ACTR3B: variants seen among roughly 807,000 people sequenced by gnomAD.
ACTR3B encodes the protein actin related protein 3B, also known as actin-related protein 3B.
Under a neutral mutation model 59.0 loss-of-function variants are expected in ACTR3B, and 8 were observed. The ratio of observed to expected loss-of-function variants is 0.14; its 90% CI spans 0.08 to 0.24. The LOEUF (loss-of-function observed/expected upper bound fraction) is 0.24, where lower values mean the gene tolerates loss of function less well. Among genes scored for constraint, ACTR3B ranks in the 10% least tolerant of loss-of-function variants. ACTR3B has a pLI of 1.00. For synonymous variants in ACTR3B, 148 were observed against 197.9 expected (o/e 0.75, Z 2.12); for missense variants, 245 against 552.3 (o/e 0.44, Z 5.58).
At chr7:152,796,863 T>G (rs1217380138) in intron 2 of ACTR3B, among the ~76,000 whole-genome samples, 86 of 5,132 alleles carry the variant, frequency 0.017, 3 homozygotes, top group African/African-American at 0.03. Context: ...TTTTTGTGTT[T>G]TTTTTTTTTT....
At chr7:152,800,834 T>G (rs1334504420) in intron 3 of ACTR3B, among the ~76,000 whole-genome samples, 179 bp downstream of exon 3, 1 of 152,250 alleles carries the variant, frequency 6.6e-6, no homozygotes, top group Admixed American at 6.5e-5. Flanking sequence ...ATTGGAGAAT[T>G]AAGGGAATTA....
At chr7:152,844,144 G>A (rs1195973947) in intron 9 of ACTR3B, among the ~76,000 whole-genome samples, 12 of 152,072 alleles carry the variant, frequency 7.9e-5, no homozygotes, top group East Asian at 5.8e-4. Context: ...TGCAACCTCC[G>A]CCTCCCAGGT....
chr7:152,795,689 G>A (rs1395232327), intron 2 of ACTR3B, among the ~76,000 whole-genome samples: 2 of 152,162 alleles, frequency 1.3e-5, no homozygotes, highest in East Asian at 3.9e-4. Flanking sequence ...AGTAGAAGAA[G>A]CAAAAGTCAC....
At chr7:152,843,923 A>G (rs1393562206) in intron 9 of ACTR3B, among the ~76,000 whole-genome samples, 1 of 152,186 alleles carries the variant, frequency 6.6e-6, no homozygotes, top group Admixed American at 6.5e-5. Flanking sequence ...CCGCTCCTAG[A>G]TGTGTGTGCA....
At chr7:152,790,027 T>A (rs1228129904) in intron 2 of ACTR3B, among the ~76,000 whole-genome samples, 1 of 133,010 alleles carries the variant, frequency 7.5e-6, no homozygotes, top group African/African-American at 3.0e-5. Context: ...TTTGAGGCAC[T>A]GTACTTTAAG....
chr7:152,782,180 T>C (rs2098156241), intron 1 of ACTR3B, among the ~76,000 whole-genome samples: 1 of 151,460 alleles, frequency 6.6e-6, no homozygotes, highest in South Asian at 2.1e-4. Context: ...ATATTAAGCA[T>C]ATTGAAATAA....
intron 2 of ACTR3B, among the ~76,000 whole-genome samples, chr7:152,797,940 T>C (rs2098223050): frequency 6.6e-6 from 1 of 152,248 alleles, no homozygotes; most frequent in African/African-American, 2.4e-5. Flanking sequence ...CACCCGTTAA[T>C]GGACACGTAG....
chr7:152,837,542 T>G (rs1797563057), intron 9 of ACTR3B, among the ~76,000 whole-genome samples: 1 of 152,238 alleles, frequency 6.6e-6, no homozygotes, highest in Non-Finnish European at 1.5e-5. Flanking sequence ...CTAGCTAAAG[T>G]TAGAGAAGGG....
At chr7:152,814,684 G>A (rs776316170) in intron 5 of ACTR3B, 39 bp downstream of exon 5, 4 of 1,536,854 alleles carry the variant, frequency 2.6e-6, no homozygotes. Context: ...AAGCACCTGA[G>A]CTGTCTAGTA....
chr7:152,806,037 G>A (rs894215911), intron 4 of ACTR3B, among the ~76,000 whole-genome samples: 2 of 152,108 alleles, frequency 1.3e-5, no homozygotes, highest in African/African-American at 4.8e-5. Context: ...TGCATTCATT[G>A]ATGCTTTGAT....
chr7:152,811,497 G>GT, intron 4 of ACTR3B: 1 of 152,298 alleles, frequency 6.6e-6, no homozygotes, highest in South Asian at 2.1e-4. Flanking sequence ...TGACAGATAC[G>GT]TTTGGTCTTA....
At chr7:152,763,750 A>C (rs1238844901) in intron 1 of ACTR3B, among the ~76,000 whole-genome samples, 14 of 152,190 alleles carry the variant, frequency 9.2e-5, no homozygotes, top group Admixed American at 6.5e-5. Context: ...CTGAATTACT[A>C]ATTATGGTGA....
Position 152,810,066 on chromosome 7 carries a change from G to A in ACTR3B, c.337-4484G>A, listed in dbSNP as rs187988579. On this transcript the variant is annotated intron_variant, in intron 4 of 11. Transcript: ENST00000256001. ...TTCCATCTTGCAAAACTGAAACTCC[G>A]TACTCATTGAACGAGTCCCCATTAT... 5.7e-3 allele frequency among the ~76,000 whole-genome samples: 865 copies of A among 152,056 alleles called. 3 individuals carry two copies. Among genetic ancestry groups the A allele is most frequent in the Non-Finnish European group, 9.2e-3 (627 of 67,954 alleles).
intron 2 of ACTR3B, among the ~76,000 whole-genome samples, chr7:152,787,385 A>G (rs1198133467): frequency 6.6e-6 from 1 of 152,120 alleles, no homozygotes; most frequent in African/African-American, 2.4e-5. Flanking sequence ...TTTTTCGCAG[A>G]TACTTTTTTA....
chr7:152,766,336 A>G (rs1209426588), intron 1 of ACTR3B, among the ~76,000 whole-genome samples: 1 of 152,220 alleles, frequency 6.6e-6, no homozygotes, highest in Admixed American at 6.5e-5. Context: ...ACAGGGCCCA[A>G]GGTTTTCACT....
intron 9 of ACTR3B, among the ~76,000 whole-genome samples, chr7:152,840,394 C>G (rs1001445092): frequency 6.6e-6 from 1 of 152,186 alleles, no homozygotes; most frequent in Non-Finnish European, 1.5e-5. Context: ...TCATTACCCT[C>G]TAATTTCCCC....
chr7:152,848,891 C>T (rs1798578296), intron 9 of ACTR3B, among the ~76,000 whole-genome samples: 1 of 152,120 alleles, frequency 6.6e-6, no homozygotes, highest in South Asian at 2.1e-4. Flanking sequence ...GCCAGGCGCT[C>T]TCAGGTTGGT....
intron 4 of ACTR3B, among the ~76,000 whole-genome samples, chr7:152,804,044 C>G (rs2116754608): frequency 6.6e-6 from 1 of 152,290 alleles, no homozygotes; most frequent in African/African-American, 2.4e-5. Flanking sequence ...ATGGACCCCA[C>G]AGGAGCTCAC....
chr7:152,767,093 GTTT>G lies in ACTR3B; in HGVS notation c.44+7181_44+7183del, dbSNP rs59830659. ...GTGAGCCACTGTGCCCAGCTGGTAG[GTTT>G]TTTTTTTTTTTTTAATGGTTTCATT... On this transcript the variant is annotated intron_variant, in intron 1 of 11. Transcript: ENST00000256001. Among the ~76,000 whole-genome samples the G allele has an allele frequency of 4.2e-3, 602 of 141,702 alleles. 7 individuals carry two copies. The highest frequency in any genetic ancestry group is 0.014 in the African/African-American group (538 of 38,516). 93.0% of individuals were successfully genotyped at this position (141,702 alleles called of 152,430 possible). A position where few individuals can be genotyped will look rare whatever the true frequency, so the allele number is the denominator to read the frequency against.
Sources: gnomAD v4.1 joint callset for allele counts (sites outside exome capture counted in the v4.1 genomes callset) on GRCh38, gnomAD v4.1.1 for gene constraint, MANE v1.5 for transcripts, NCBI Gene and HGNC (gene_info 2026-07-23, HGNC 2026-07-21) for gene names.